Variants in CAPS2 observed in about 807,000 individuals in gnomAD.
CAPS2 encodes the protein calcyphosin-2.
Under a neutral mutation model 86.5 loss-of-function variants are expected in CAPS2, and 98 were observed. The observed-to-expected ratio is 1.13, with a 90% CI of 0.96 to 1.34. The LOEUF (loss-of-function observed/expected upper bound fraction) is 1.34, where lower values mean the gene tolerates loss of function less well. CAPS2 is among the 40% of genes most tolerant of loss of function. The pLI is 0.00. For missense variants in CAPS2, 729 were observed against 686.8 expected, an observed-to-expected ratio of 1.06 and a Z score of -0.69; for synonymous variants, 210 against 225.1, an observed-to-expected ratio of 0.93 and a Z score of 0.60.
chr12:75,330,004 C>T (rs1565927885), upstream of CAPS2: 1 of 696,118 alleles, frequency 1.4e-6, no homozygotes, highest in African/African-American at 1.8e-5. Flanking sequence ...CCTCCAAAAA[C>T]CGCATTCAGA....
At chr12:75,383,179 A>C (rs942525592) in intron 1 of CAPS2, among the ~76,000 whole-genome samples, 9 of 152,192 alleles carry the variant, frequency 5.9e-5, no homozygotes, top group African/African-American at 2.2e-4. Flanking sequence ...TAATGCATTA[A>C]AATTTTTTTA....
intron 4 of CAPS2, 32 bp from the exon 5 acceptor site, chr12:75,321,608 G>T: frequency 2.1e-6 from 3 of 1,430,526 alleles, no homozygotes; most frequent in South Asian, 1.3e-5. Context: ...CATGCTATCA[G>T]AAAAAAAAAG....
At chr12:75,298,463 T>G in intron 11 of CAPS2, 2 of 483,166 alleles carry the variant, frequency 4.1e-6, no homozygotes, top group South Asian at 4.0e-5. Context: ...GGAAGGGGGG[T>G]GTTACAGAAA....
chr12:75,335,158 G>C (rs1239990196), intron 1 of CAPS2, among the ~76,000 whole-genome samples: 2 of 152,118 alleles, frequency 1.3e-5, no homozygotes, highest in Non-Finnish European at 2.9e-5. Flanking sequence ...AAGTTGCTTT[G>C]TTGCACCACT....
At chr12:75,284,967 A>G (rs748750102) in exon 15 of CAPS2, 1 of 1,601,474 alleles carries the variant, frequency 6.2e-7, no homozygotes, top group Non-Finnish European at 8.5e-7. Context: ...TTACCTTTCG[A>G]ACATATGATT....
intron 1 of CAPS2, chr12:75,347,574 C>T (rs1440051530): frequency 8.5e-7 from 1 of 1,173,650 alleles, no homozygotes; most frequent in East Asian, 2.4e-5. Flanking sequence ...GCATTGTTTG[C>T]ATAGAATTGT....
intron 1 of CAPS2, among the ~76,000 whole-genome samples, chr12:75,338,445 A>G (rs2041878694): frequency 6.6e-6 from 1 of 152,170 alleles, no homozygotes. Flanking sequence ...GAAAAATTAT[A>G]TGATCATCTC....
intron 1 of CAPS2, among the ~76,000 whole-genome samples, chr12:75,339,093 T>A (rs891714335): frequency 1.3e-5 from 2 of 152,206 alleles, no homozygotes; most frequent in Non-Finnish European, 2.9e-5. Flanking sequence ...AATAGAATGA[T>A]CTATATTCCT....
At chr12:75,337,456 T>C (rs900383531) in intron 1 of CAPS2, among the ~76,000 whole-genome samples, 1 of 151,858 alleles carries the variant, frequency 6.6e-6, no homozygotes, top group Admixed American at 6.6e-5. Context: ...AGAGAATATT[T>C]TGAACAAATT....
intron 1 of CAPS2, among the ~76,000 whole-genome samples, chr12:75,341,049 T>G (rs528195369): frequency 6.6e-6 from 1 of 152,154 alleles, no homozygotes; most frequent in South Asian, 2.1e-4. Flanking sequence ...AAAGAACACC[T>G]AAACATACAC....
intron 13 of CAPS2, among the ~76,000 whole-genome samples, chr12:75,291,266 A>G (rs1182420191): frequency 6.6e-6 from 1 of 151,610 alleles, no homozygotes; most frequent in African/African-American, 2.4e-5. Context: ...TTTCTTTTAC[A>G]CTAGGACACC....
intron 12 of CAPS2, among the ~76,000 whole-genome samples, chr12:75,292,063 TTTTG>T (rs925044000): frequency 5.3e-5 from 8 of 151,904 alleles, no homozygotes; most frequent in South Asian, 4.2e-4. Context: ...TTTGTTTGTT[TTTTG>T]TTTGTTTGTT....
Position 75,298,683 on chromosome 12 carries a change from T to A in CAPS2, c.1044+4A>T. The A allele has an allele frequency of 6.2e-7, 1 of 1,610,906 alleles. No individual in the cohort carries two copies. On this transcript the variant is annotated splice_donor_region_variant and intron_variant, in intron 11 of 16. Coordinates refer to ENST00000393284, the Ensembl canonical transcript of CAPS2. ...AAATGTGTGCACACACACACACCAC[T>A]TACAACATAAAAATCACCAAGTCGG...
At chr12:75,300,425 G>A (rs4882684) in intron 8 of CAPS2, among the ~76,000 whole-genome samples, 43,047 of 151,412 alleles carry the variant, frequency 0.28, 6,442 homozygotes, top group South Asian at 0.42. Context: ...GCGTGGTGGT[G>A]GGCGCCCGTA....
At chr12:75,280,447 A>T (rs1245238485) in intron 16 of CAPS2, among the ~76,000 whole-genome samples, 1 of 151,796 alleles carries the variant, frequency 6.6e-6, no homozygotes, top group Non-Finnish European at 1.5e-5. Context: ...TTTTGAAACC[A>T]AAAAAGGCTT....
chr12:75,279,605 T>A (rs1332795539), intron 16 of CAPS2, among the ~76,000 whole-genome samples: 6 of 151,968 alleles, frequency 3.9e-5, no homozygotes, highest in Non-Finnish European at 5.9e-5. Flanking sequence ...ACTTAGACAA[T>A]AATGCATTGC....
chr12:75,365,035 A>G (rs2043872486), intron 1 of CAPS2: 2 of 152,142 alleles, frequency 1.3e-5, no homozygotes, highest in African/African-American at 2.4e-5. Flanking sequence ...CCCATCCTTC[A>G]TTGAGAGGAT....
intron 1 of CAPS2, among the ~76,000 whole-genome samples, chr12:75,346,563 G>C (rs1407921092): frequency 6.6e-6 from 1 of 152,038 alleles, no homozygotes; most frequent in Non-Finnish European, 1.5e-5. Context: ...GCTAGTTTTT[G>C]TATTTTTAGT....
intron 14 of CAPS2, among the ~76,000 whole-genome samples, chr12:75,289,225 TG>T (rs2035425600): frequency 6.6e-6 from 1 of 152,148 alleles, no homozygotes; most frequent in Non-Finnish European, 1.5e-5. Context: ...TCAGCTTAGA[TG>T]TATCCTCCTC....
Sources: allele counts gnomAD v4.1 joint callset (sites outside exome capture counted in the v4.1 genomes callset), GRCh38; gene constraint gnomAD v4.1.1; transcripts MANE v1.5; gene names NCBI Gene and HGNC (gene_info 2026-07-23, HGNC 2026-07-21).